The following ACAP3 variants were observed in gnomAD, a reference collection of about 807,000 sequenced individuals.
ACAP3 encodes ArfGAP with coiled-coil, ankyrin repeat and PH domains 3.
A neutral mutation model predicts 104.1 loss-of-function variants in ACAP3; 56 were observed. The observed-to-expected ratio is 0.54, with a 90% CI of 0.43 to 0.67. ACAP3 has a LOEUF of 0.67. Ranked by LOEUF, ACAP3 falls within the 30% of genes least tolerant of loss-of-function variation. The probability of loss-of-function intolerance (pLI) is 0.00; values close to 1 mark genes in which losing one functional copy is unlikely to be tolerated. For synonymous variants in ACAP3, 628 were observed against 496.2 expected, an observed-to-expected ratio of 1.27 and a Z score of -3.53; for missense variants, 1,208 against 1,174.9, an observed-to-expected ratio of 1.03 and a Z score of -0.41.
At position 1,300,184 on chromosome 1, in the gene ACAP3, T is replaced by G. The variant is rs1430300888; in HGVS notation, c.541A>C (p.Lys181Gln). ...GAGTCCAGGATCTCAAACTTCTTCTTGGCCTGCAGAACATTGATCTGCCAG... is the reference window on the plus strand; with the variant it reads ...GAGTCCAGGATCTCAAACTTCTTCTGGGCCTGCAGAACATTGATCTGCCAG... ...YVLQINVLQAKKKFEILDSML... is the reference protein window; with the variant it reads ...YVLQINVLQAQKKFEILDSML... Residue 181 changes from lysine to glutamine, a missense_variant, in exon 7 of 24, where the codon AAG becomes CAG. By Grantham distance (53) the Lys-to-Gln change is moderately conservative. Coordinates refer to ENST00000354700, the MANE Select transcript of ACAP3 (RefSeq NM_030649.3). 3 of 1,610,036 alleles carry G rather than the reference T, an allele frequency of 1.9e-6. No homozygotes were observed. In the South Asian group the frequency reaches 3.3e-5, roughly 18 times the overall value.
Position 1,293,472 on chromosome 1 carries a change from C to T in ACAP3, c.*92G>A, listed in dbSNP as rs545665134. ...CTGCCAGGTATCGACCCGCGGGTCACACGCAGGGCCGCGGCCGGGTGGGCG... is the reference window on the plus strand; with the variant it reads ...CTGCCAGGTATCGACCCGCGGGTCATACGCAGGGCCGCGGCCGGGTGGGCG... On this transcript the variant is annotated 3_prime_UTR_variant, in exon 24 of 24. Coordinates refer to ENST00000354700, the MANE Select transcript of ACAP3 (RefSeq NM_030649.3). 6.8e-4 allele frequency: 874 copies of T among 1,276,180 alleles called. 6 individuals are homozygous for T. In the African/African-American group the frequency reaches 0.012, roughly 17 times the overall value. The allele number at this position is 1,276,180 out of a possible 1,614,324, so 79.1% of individuals were successfully genotyped here.
Position 1,303,605 on chromosome 1 carries a change from G to A in ACAP3, c.106-324C>T. On this transcript the variant is annotated intron_variant, in intron 2 of 23. Transcript: ENST00000354700. The surrounding 1 kb of genome is among the most constrained non-coding windows in gnomAD (Gnocchi z 4.0). ...CTGCCCACTCCCAGCTCCACGGCCT[G>A]TTGCCCCCTCCTCTTTCTCAGCCCA... 1 of 472,768 alleles carries A rather than the reference G, an allele frequency of 2.1e-6. No homozygotes were observed. Among genetic ancestry groups the A allele is most frequent in the Non-Finnish European group, 3.8e-6 (1 of 261,744 alleles). The allele number at this position is 472,768 out of a possible 1,614,324, so 29.3% of individuals were successfully genotyped here.
In ACAP3 at chr1:1,302,940, C is replaced by T. The variant is rs1641514189; in HGVS notation, c.261G>A (p.Glu87=). 1 of 1,611,728 alleles carries T rather than the reference C, an allele frequency of 6.2e-7. No individual in the cohort carries two copies. Among genetic ancestry groups the T allele is most frequent in the East Asian group, 2.2e-5 (1 of 44,832 alleles). The part of the protein sequence containing the change: ...CLQRFADSLQ[E]VVNYHMILFD... ...CGCTCACCATGTGGTAGTTCACCAC[C>T]TCCTGTAGGCTGTCAGCGAACCTCT... Residue 87 remains glutamate, a synonymous_variant, in exon 4 of 24, where the codon GAG becomes GAA. Coordinates refer to ENST00000354700, the MANE Select transcript of ACAP3 (RefSeq NM_030649.3).
At chr1:1,299,725 G>A in intron 9 of ACAP3, 106 bp downstream of exon 9, 3 of 1,305,844 alleles carry the variant, frequency 2.3e-6, no homozygotes, top group Non-Finnish European at 3.1e-6. Context: ...AGGGCAGGTG[G>A]GAGACAGGCA....
chr1:1,302,795 T>TTCC, intron 4 of ACAP3, 127 bp downstream of exon 4: 100 of 167,256 alleles, frequency 6.0e-4, no homozygotes, highest in Non-Finnish European at 8.3e-4. Flanking sequence ...AATGTGGGAT[T>TTCC]CCCCCCCCCC....
At chr1:1,306,856 G>C (rs956926632) in intron 1 of ACAP3, among the ~76,000 whole-genome samples, 5 of 152,252 alleles carry the variant, frequency 3.3e-5, no homozygotes, top group African/African-American at 4.8e-5. Flanking sequence ...GGCTAACACA[G>C]TACGTGAACC....
chr1:1,299,159 G>A (rs1159479298), intron 10 of ACAP3, 186 bp downstream of exon 10: 17 of 770,780 alleles, frequency 2.2e-5, no homozygotes, highest in Admixed American at 2.0e-4. Context: ...GACAGCTGCC[G>A]CCAACCCCAC....
intron 2 of ACAP3, 44 bp downstream of exon 2, chr1:1,304,042 C>A: frequency 6.5e-7 from 1 of 1,549,614 alleles, no homozygotes. Context: ...ATGTGGCCAT[C>A]CCAAGCTTGG....
At position 1,300,017 on chromosome 1, in the gene ACAP3, G is replaced by C. The variant is rs149924273; in HGVS notation, c.619C>G (p.Leu207Val). The change falls in exon 8 of 24, where the codon CTC (leucine) becomes GTC (valine). Residue 207 changes from leucine to valine, a missense_variant. By Grantham distance (32) the Leu-to-Val change is conservative. Coordinates refer to ENST00000354700, the MANE Select transcript of ACAP3 (RefSeq NM_030649.3). ...ATGTAGGGGTCCAGCTGGTGCAGGA[G>C]GCTGTAGCCCTGCTGGAAGAAGCTG... ...QSSFFQQGYS[L>V]LHQLDPYMKK... 86 of 1,612,412 alleles carry C rather than the reference G, an allele frequency of 5.3e-5. No homozygotes were observed. The highest frequency in any genetic ancestry group is 1.0e-4 in the Admixed American group (6 of 59,978).
chr1:1,297,855 G>GGCGGAGGCGATGCTGGCCT lies in ACAP3; in HGVS notation c.1076_1094dup (p.Tyr366GlyfsTer12). On this transcript the variant is annotated frameshift_variant, in exon 14 of 24. Transcript: ENST00000354700. LOFTEE classifies it high-confidence loss of function. ...AGCAACTGTCAGGGCTCTCGCGGTA[G>GGCGGAGGCGATGCTGGCCT]GCGGAGGCGATGCTGGCCTGCACAG... The GGCGGAGGCGATGCTGGCCT allele has an allele frequency of 6.2e-7, 1 of 1,611,908 alleles. No homozygotes were observed. The highest frequency in any genetic ancestry group is 8.5e-7 in the Non-Finnish European group (1 of 1,179,434).
In ACAP3 at chr1:1,303,944, A is replaced by G. The variant is rs867129203; in HGVS notation, c.105+142T>C. ...CACCCTGGAACACACATGCTAAGAC[A>G]CAGGGACCAGGACCTGGAGCACCAC... On this transcript the variant is annotated intron_variant, in intron 2 of 23. Coordinates refer to ENST00000354700, the MANE Select transcript of ACAP3 (RefSeq NM_030649.3). The surrounding 1 kb of genome is among the most constrained non-coding windows in gnomAD (Gnocchi z 4.0). 1 of 989,268 alleles carries G rather than the reference A, an allele frequency of 1.0e-6. No homozygotes were observed. Among genetic ancestry groups the G allele is most frequent in the African/African-American group, 1.6e-5 (1 of 62,144 alleles). 61.3% of individuals were successfully genotyped at this position (989,268 alleles called of 1,614,324 possible). A position where few individuals can be genotyped will look rare whatever the true frequency, so the allele number is the denominator to read the frequency against.
Position 1,293,469 on chromosome 1 carries a change from T to G in ACAP3, c.*95A>C. The G allele has an allele frequency of 3.2e-6, 4 of 1,239,614 alleles. No individual in the cohort carries two copies. Among genetic ancestry groups the G allele is most frequent in the Non-Finnish European group, 3.1e-6 (3 of 978,918 alleles). The allele number at this position is 1,239,614 out of a possible 1,614,324, so 76.8% of individuals were successfully genotyped here. A position where few individuals can be genotyped will look rare whatever the true frequency, so the allele number is the denominator to read the frequency against. On this transcript the variant is annotated 3_prime_UTR_variant, in exon 24 of 24. Coordinates refer to ENST00000354700, the MANE Select transcript of ACAP3 (RefSeq NM_030649.3). Reference sequence around the variant, plus strand: ...GGGCTGCCAGGTATCGACCCGCGGGTCACACGCAGGGCCGCGGCCGGGTGG... The same window carrying G: ...GGGCTGCCAGGTATCGACCCGCGGGGCACACGCAGGGCCGCGGCCGGGTGG...
chr1:1,299,003 C>G, intron 10 of ACAP3: 1 of 557,198 alleles, frequency 1.8e-6, no homozygotes, highest in Non-Finnish European at 3.2e-6. Flanking sequence ...CTGAGTGCCC[C>G]ATTCATGTGG....
chr1:1,306,801 G>A (rs372882036), intron 1 of ACAP3, among the ~76,000 whole-genome samples: 158 of 152,380 alleles, frequency 1.0e-3, no homozygotes, highest in African/African-American at 3.6e-3. Flanking sequence ...TGTGTACCTA[G>A]TGATGGAACA....
intron 18 of ACAP3, 46 bp downstream of exon 18, chr1:1,295,690 G>C (rs770588093): frequency 6.4e-7 from 1 of 1,565,048 alleles, no homozygotes; most frequent in Admixed American, 1.8e-5. Context: ...GTCCATCCCC[G>C]ACCAAGGCAA....
chr1:1,298,139 T>G, intron 12 of ACAP3, 26 bp from the exon 13 acceptor site: 2 of 1,587,882 alleles, frequency 1.3e-6, no homozygotes, highest in Non-Finnish European at 1.7e-6. Flanking sequence ...CTGTGGCCCC[T>G]GCCCTCAGCC....
intron 1 of ACAP3, chr1:1,307,267 G>T (rs545207341): frequency 1.6e-6 from 2 of 1,288,102 alleles, no homozygotes; most frequent in East Asian, 1.1e-4. Context: ...CTTCCCCGCC[G>T]CTCTTCTCGG....
At chr1:1,301,876 A>T in intron 5 of ACAP3, 112 bp downstream of exon 5, 1 of 1,058,278 alleles carries the variant, frequency 9.4e-7, no homozygotes, top group Non-Finnish European at 1.3e-6. Flanking sequence ...GAGCCGCTGC[A>T]CAGCCTGGAG....
Position 1,302,001 on chromosome 1 carries a change from T to C in ACAP3, c.325A>G (p.Ser109Gly). 2.5e-6 allele frequency: 4 copies of C among 1,572,678 alleles called. No homozygotes were observed. Among genetic ancestry groups the C allele is most frequent in the Non-Finnish European group, 3.5e-6 (4 of 1,157,984 alleles). The change falls in exon 5 of 24, where the codon AGC becomes GGC. Residue 109 changes from serine (S) to glycine (G), a missense_variant. By Grantham distance (56) the Ser-to-Gly change is moderately conservative (BLOSUM62 0). Transcript: ENST00000354700. ...GGGGCCACTCACTCTTTGACAAAGCTCTGGAGCTGCTGCCGCACGGACCTC... is the reference window on the plus strand; with the variant it reads ...GGGGCCACTCACTCTTTGACAAAGCCCTGGAGCTGCTGCCGCACGGACCTC... ...AQRSVRQQLQ[S>G]FVKEDVRKFK...
Sources: gnomAD v4.1 joint callset for allele counts (sites outside exome capture counted in the v4.1 genomes callset) on GRCh38, gnomAD v4.1.1 for gene constraint, Gnocchi (gnomAD v3.1) non-coding constraint, MANE v1.5 for transcripts, NCBI Gene and HGNC (gene_info 2026-07-23, HGNC 2026-07-21) for gene names.